The following EYA1 variants were observed in gnomAD, a reference collection of about 807,000 sequenced individuals.
EYA1 encodes protein phosphatase EYA1.
Under a neutral mutation model 82.0 loss-of-function variants are expected in EYA1, and 16 were observed. The observed-to-expected ratio is 0.20, with a 90% confidence interval of 0.13 to 0.30. The LOEUF (loss-of-function observed/expected upper bound fraction) is 0.30, where lower values mean the gene tolerates loss of function less well. EYA1 is among the 10% of genes least tolerant of loss of function. EYA1 has a pLI of 1.00. For synonymous variants in EYA1, 261 were observed against 264.4 expected (o/e 0.99, Z 0.12); for missense variants, 633 against 730.7 (o/e 0.87, Z 1.54).
At position 71,361,910 on chromosome 8, in the gene EYA1, AC is replaced by A; in HGVS notation, c.-319del. On this transcript the variant is annotated 5_prime_UTR_variant, in exon 1 of 18. It removes the in-frame stop codon of an upstream open reading frame in the 5' UTR. Transcript: ENST00000340726. ...CGTGTTCCCCAGGAAGAAACCCGCC[AC>A]AGTGGACGGCAACAGGAAGGCTTAA... 1.0e-6 allele frequency: 1 copy of A among 985,456 alleles called. No individual in the cohort carries two copies. The highest frequency in any genetic ancestry group is 1.2e-6 in the Non-Finnish European group (1 of 829,956). The allele number at this position is 985,456 out of a possible 1,614,324, so 61.0% of individuals were successfully genotyped here. A position where few individuals can be genotyped will look rare whatever the true frequency, so the allele number is the denominator to read the frequency against.
intron 12 of EYA1, among the ~76,000 whole-genome samples, chr8:71,218,360 T>G (rs1336867391): frequency 1.3e-5 from 2 of 152,064 alleles, no homozygotes; most frequent in African/African-American, 4.8e-5. Flanking sequence ...AACTCTTCTC[T>G]CTCCATGGAT....
At chr8:71,427,822 C>A (rs1283753693) in intron 2 of EYA1, among the ~76,000 whole-genome samples, 1 of 151,888 alleles carries the variant, frequency 6.6e-6, no homozygotes, top group African/African-American at 2.4e-5. Context: ...GAGTTCAAGA[C>A]TATCTTGGGC....
chr8:71,414,528 A>G (rs1353882530), intron 2 of EYA1, among the ~76,000 whole-genome samples: 2 of 152,208 alleles, frequency 1.3e-5, no homozygotes, highest in African/African-American at 4.8e-5. Flanking sequence ...TCTCCAGCCT[A>G]TAGATATCTG....
intron 11 of EYA1, among the ~76,000 whole-genome samples, chr8:71,254,880 T>C (rs1427849852): frequency 1.8e-5 from 2 of 111,500 alleles, no homozygotes; most frequent in Non-Finnish European, 3.3e-5. Flanking sequence ...TTAGAACTAA[T>C]GAATACATTC....
At chr8:71,415,406 G>A (rs1830800189) in intron 2 of EYA1, among the ~76,000 whole-genome samples, 1 of 152,158 alleles carries the variant, frequency 6.6e-6, no homozygotes, top group Non-Finnish European at 1.5e-5. Context: ...TACTCTTACT[G>A]CCATGTTACA....
chr8:71,234,407 T>TCTGG (rs1811583386), intron 12 of EYA1, among the ~76,000 whole-genome samples: 1 of 152,156 alleles, frequency 6.6e-6, no homozygotes, highest in Non-Finnish European at 1.5e-5. Context: ...CCCATTCCCA[T>TCTGG]CTGGCTGATG....
intron 9 of EYA1, among the ~76,000 whole-genome samples, chr8:71,286,923 TC>T (rs1255793554): frequency 6.7e-6 from 1 of 149,072 alleles, no homozygotes; most frequent in African/African-American, 2.5e-5. Flanking sequence ...CGCCTCAGAC[TC>T]CCGAGTAGCT....
At chr8:71,233,409 A>C (rs1478350630) in intron 12 of EYA1, among the ~76,000 whole-genome samples, 2 of 151,938 alleles carry the variant, frequency 1.3e-5, no homozygotes. Context: ...CTAAAAACAC[A>C]AAAAATTAGT....
intron 9 of EYA1, among the ~76,000 whole-genome samples, chr8:71,294,176 C>G (rs550450124): frequency 1.3e-5 from 2 of 152,028 alleles, no homozygotes; most frequent in Non-Finnish European, 2.9e-5. Context: ...TAAAAACACA[C>G]CGGCCGGGCG....
chr8:71,434,142 G>T (rs185018800), intron 2 of EYA1, among the ~76,000 whole-genome samples: 1 of 152,304 alleles, frequency 6.6e-6, no homozygotes, highest in African/African-American at 2.4e-5. Context: ...GAAGGATGAA[G>T]TTATTACTAA....
chr8:71,466,573 G>A (rs1808784475), intron 2 of EYA1, among the ~76,000 whole-genome samples: 1 of 152,110 alleles, frequency 6.6e-6, no homozygotes, highest in South Asian at 2.1e-4. Context: ...AGTTTTATGT[G>A]AGCAGGTGTA....
intron 3 of EYA1, among the ~76,000 whole-genome samples, chr8:71,345,999 C>T (rs1363271451): frequency 1.3e-5 from 2 of 152,098 alleles, no homozygotes; most frequent in Non-Finnish European, 2.9e-5. Context: ...CAAACACACA[C>T]ACACACGTGC....
At chr8:71,262,092 C>T (rs1364584425) in intron 11 of EYA1, among the ~76,000 whole-genome samples, 1 of 152,204 alleles carries the variant, frequency 6.6e-6, no homozygotes, top group Non-Finnish European at 1.5e-5. Flanking sequence ...AATTACAAGA[C>T]TGGTGTTGCC....
chr8:71,244,689 G>C lies in EYA1; in HGVS notation c.1054C>G (p.Pro352Ala). ...AGTCCAAGGGAAACTGAAGTGGGTGGATCCTAAAATAAGAATATGACAGGT... is the reference window on the plus strand; with the variant it reads ...AGTCCAAGGGAAACTGAAGTGGGTGCATCCTAAAATAAGAATATGACAGGT... ...GSYANRYGRD[P>A]PTSVSLGLRM... is the part of the protein sequence containing the mutation. The change falls in exon 12 of 18, where the codon CCA becomes GCA. Residue 352 changes from proline (P) to alanine (A), a missense_variant. Coordinates refer to ENST00000340726, the MANE Select transcript of EYA1 (RefSeq NM_000503.6). The C allele has an allele frequency of 6.3e-7, 1 of 1,585,874 alleles. No individual in the cohort carries two copies. Among genetic ancestry groups the C allele is most frequent in the Non-Finnish European group, 8.7e-7 (1 of 1,154,748 alleles).
At chr8:71,382,849 A>G (rs753376581) in intron 2 of EYA1, among the ~76,000 whole-genome samples, 5 of 152,096 alleles carry the variant, frequency 3.3e-5, no homozygotes, top group Admixed American at 6.6e-5. Context: ...AGAAGATTCT[A>G]TAACGAATAC....
chr8:71,254,839 A>G (rs980497090), intron 11 of EYA1, among the ~76,000 whole-genome samples: 25 of 106,172 alleles, frequency 2.4e-4, no homozygotes, highest in African/African-American at 8.1e-4. Context: ...ACCTCCCCCC[A>G]CCCCGCCCCC....
chr8:71,419,679 T>A (rs951108551), intron 2 of EYA1, among the ~76,000 whole-genome samples: 14 of 152,126 alleles, frequency 9.2e-5, no homozygotes, highest in African/African-American at 2.9e-4. Context: ...TTCCATAAAG[T>A]TTTTTAAATT....
chr8:71,308,222 C>A (rs1419349865), intron 7 of EYA1, among the ~76,000 whole-genome samples: 1 of 152,012 alleles, frequency 6.6e-6, no homozygotes, highest in African/African-American at 2.4e-5. Context: ...TTTGGCTACA[C>A]AAAAATCATA....
intron 2 of EYA1, among the ~76,000 whole-genome samples, chr8:71,492,686 C>T (rs954951156): frequency 1.3e-5 from 2 of 152,060 alleles, no homozygotes; most frequent in African/African-American, 4.8e-5. Flanking sequence ...AGGATGGTCT[C>T]AATCTCCTGA....
Sources: allele counts gnomAD v4.1 joint callset (sites outside exome capture counted in the v4.1 genomes callset), GRCh38; gene constraint gnomAD v4.1.1; transcripts MANE v1.5; gene names NCBI Gene and HGNC (gene_info 2026-07-23, HGNC 2026-07-21).